HSPG2: variants seen among roughly 807,000 people sequenced by gnomAD.
HSPG2 encodes the protein basement membrane-specific heparan sulfate proteoglycan core protein.
A neutral mutation model predicts 526.6 loss-of-function variants in HSPG2; 278 were observed. The observed-to-expected ratio is 0.53, with a 90% confidence interval of 0.48 to 0.58. The LOEUF is 0.58. HSPG2 is among the 20% of genes least tolerant of loss of function. The pLI, the probability that HSPG2 is intolerant of heterozygous loss-of-function variation, is 0.00. For missense variants in HSPG2, 5,354 were observed against 6,099.5 expected, an observed-to-expected ratio of 0.88 and a Z score of 4.07; for synonymous variants, 2,465 against 2,555.4, an observed-to-expected ratio of 0.96 and a Z score of 1.07.
Position 21,822,421 on chromosome 1 carries a change from C to T in HSPG2, c.*895G>A. On this transcript the variant is annotated 3_prime_UTR_variant, in exon 97 of 97. Transcript: ENST00000374695. ...GGCAGGGTGGTCATATCCCCCTCCTCTCTCTCTCAGTCGTGAGTCCTGCCT... is the reference window on the plus strand; with the variant it reads ...GGCAGGGTGGTCATATCCCCCTCCTTTCTCTCTCAGTCGTGAGTCCTGCCT... 1.7e-6 allele frequency: 1 copy of T among 600,742 alleles called. No individual in the cohort carries two copies. The highest frequency in any genetic ancestry group is 3.0e-6 in the Non-Finnish European group (1 of 334,958). 37.2% of individuals were successfully genotyped at this position (600,742 alleles called of 1,614,324 possible).
intron 1 of HSPG2, among the ~76,000 whole-genome samples, chr1:21,918,947 T>TC (rs904419234): frequency 6.6e-6 from 1 of 152,070 alleles, no homozygotes; most frequent in Non-Finnish European, 1.5e-5. Context: ...ACTGGGCTCC[T>TC]CCCCCTCTCC....
Position 21,874,656 on chromosome 1 carries a change from C to T in HSPG2, c.3488G>A (p.Gly1163Asp). The change falls in exon 27 of 97, where the codon GGC becomes GAC. Residue 1163 changes from glycine (G) to aspartate (D), a missense_variant. Coordinates refer to ENST00000374695, the MANE Select transcript of HSPG2 (RefSeq NM_005529.7). Reference sequence around the variant, plus strand: ...TTCTGGCTCGCAGGCCTCTGAGTGGCCATGGCAGCTGCAGCGTTCACAGGT... The same window carrying T: ...TTCTGGCTCGCAGGCCTCTGAGTGGTCATGGCAGCTGCAGCGTTCACAGGT... ...LGTCERCSCH[G>D]HSEACEPETG... is the part of the protein sequence containing the mutation. 6.2e-7 allele frequency: 1 copy of T among 1,613,298 alleles called. No homozygotes were observed. The highest frequency in any genetic ancestry group is 1.6e-4 in the Middle Eastern group (1 of 6,062).
intron 70 of HSPG2, 126 bp from the exon 71 acceptor site, chr1:21,841,411 T>G: frequency 6.4e-7 from 1 of 1,562,406 alleles, no homozygotes; most frequent in Non-Finnish European, 8.8e-7. Context: ...AGGTGGAAAC[T>G]GAGGCTCAGA....
Position 21,823,533 on chromosome 1 carries a change from A to T in HSPG2, c.13004-45T>A, listed in dbSNP as rs560064025. ...CAGGGCCTGTGGGCTCCAGCAGCCC[A>T]GGAGGCGAGGAAGGCTGGGCGAGCT... On this transcript the variant is annotated intron_variant, in intron 96 of 96. Coordinates refer to ENST00000374695, the MANE Select transcript of HSPG2 (RefSeq NM_005529.7). The T allele has an allele frequency of 1.4e-5, 22 of 1,609,914 alleles. No individual in the cohort carries two copies. The South Asian group carries it at 2.0e-4, about 14-fold the overall frequency.
At chr1:21,874,038 A>C (rs1303231477) in intron 28 of HSPG2, 27 bp from the exon 29 acceptor site, 1 of 1,570,130 alleles carries the variant, frequency 6.4e-7, no homozygotes, top group East Asian at 2.3e-5. Flanking sequence ...ATTTCTAGTC[A>C]GGAACGCAGT....
chr1:21,832,506 C>A lies in HSPG2; in HGVS notation c.11196G>T (p.Arg3732Ser), dbSNP rs779110676. The A allele has an allele frequency of 6.2e-7, 1 of 1,613,978 alleles. No individual in the cohort carries two copies. Among genetic ancestry groups the A allele is most frequent in the Admixed American group, 1.7e-5 (1 of 60,012 alleles). The part of the protein sequence containing the change: ...DFISFGLVGG[R>S]PEFRFDAGSG... ...GCTGGGGGTCTCACCGGAACTCGGGCCTTCCCCCCACGAGGCCGAAGGAGA... is the reference window on the plus strand; with the variant it reads ...GCTGGGGGTCTCACCGGAACTCGGGACTTCCCCCCACGAGGCCGAAGGAGA... Residue 3732 changes from arginine (R) to serine (S), a missense_variant, in exon 81 of 97, where the codon AGG becomes AGT. Arg to Ser is a moderately radical substitution (Grantham distance 110). Transcript: ENST00000374695.
At chr1:21,905,261 C>A (rs12404669) in intron 1 of HSPG2, among the ~76,000 whole-genome samples, 12 of 146,186 alleles carry the variant, frequency 8.2e-5, no homozygotes, top group Non-Finnish European at 1.5e-4. Context: ...CCACACACAC[C>A]CACACACACA....
chr1:21,848,810 G>A lies in HSPG2; in HGVS notation c.7586-16C>T, dbSNP rs769497983. The A allele has an allele frequency of 2.5e-6, 4 of 1,613,362 alleles. No homozygotes were observed. In the African/African-American group the frequency reaches 4.0e-5, roughly 16 times the overall value. Reference sequence around the variant, plus strand: ...ACACCCTGGGCTGGGAGGGTGAGATGTAAGGCAGGGTGTGGGAGCTGCTGA... The same window carrying A: ...ACACCCTGGGCTGGGAGGGTGAGATATAAGGCAGGGTGTGGGAGCTGCTGA... On this transcript the variant is annotated splice_polypyrimidine_tract_variant and intron_variant, in intron 58 of 96. Coordinates refer to ENST00000374695, the MANE Select transcript of HSPG2 (RefSeq NM_005529.7). The surrounding 1 kb of genome is among the most constrained non-coding windows in gnomAD (Gnocchi z 4.9).
At position 21,851,773 on chromosome 1, in the gene HSPG2, C is replaced by T; in HGVS notation, c.7006+18G>A. ...GCCTGTTCTCTGCATCCCAGCCCAGCCTGGTGGCCCCACTCACGGTAGGCT... is the reference window on the plus strand; with the variant it reads ...GCCTGTTCTCTGCATCCCAGCCCAGTCTGGTGGCCCCACTCACGGTAGGCT... On this transcript the variant is annotated intron_variant, in intron 54 of 96. Coordinates refer to ENST00000374695, the MANE Select transcript of HSPG2 (RefSeq NM_005529.7). The T allele has an allele frequency of 6.2e-7, 1 of 1,614,028 alleles. No homozygotes were observed. Among genetic ancestry groups the T allele is most frequent in the Non-Finnish European group, 8.5e-7 (1 of 1,180,046 alleles).
chr1:21,868,864 AT>A, intron 33 of HSPG2: 1 of 890,930 alleles, frequency 1.1e-6, no homozygotes, highest in African/African-American at 1.8e-5. Context: ...CACCCCTATA[AT>A]CCCCCCAAAT....
At chr1:21,915,412 T>G (rs1242997864) in intron 1 of HSPG2, among the ~76,000 whole-genome samples, 1 of 152,020 alleles carries the variant, frequency 6.6e-6, no homozygotes, top group East Asian at 1.9e-4. Context: ...AGGGAGCACG[T>G]GGGAAAATAA....
intron 63 of HSPG2, 36 bp downstream of exon 63, chr1:21,846,412 C>T: frequency 6.2e-7 from 1 of 1,612,672 alleles, no homozygotes; most frequent in Non-Finnish European, 8.5e-7. Context: ...CCCCCACATC[C>T]AGCGGCTCTC....
At chr1:21,862,783 G>T (rs1181439681) in intron 37 of HSPG2, among the ~76,000 whole-genome samples, 1 of 151,922 alleles carries the variant, frequency 6.6e-6, no homozygotes, top group African/African-American at 2.4e-5. Flanking sequence ...CATTAAAAAT[G>T]TGTATTGTCA....
chr1:21,887,755 A>G lies in HSPG2; in HGVS notation c.704-81T>C. The G allele has an allele frequency of 6.6e-7, 1 of 1,511,974 alleles. No homozygotes were observed. The highest frequency in any genetic ancestry group is 9.1e-7 in the Non-Finnish European group (1 of 1,101,792). 93.7% of individuals were successfully genotyped at this position (1,511,974 alleles called of 1,614,324 possible). ...CTTGTCCCCAACCCTCCCCAGGCCC[A>G]CCCTGTACTCCCCAACACCACTCCC... On this transcript the variant is annotated intron_variant, in intron 7 of 96. Transcript: ENST00000374695. The surrounding 1 kb of genome is among the most constrained non-coding windows in gnomAD (Gnocchi z 5.0).
intron 80 of HSPG2, 101 bp from the exon 81 acceptor site, chr1:21,832,707 G>A (rs898426307): frequency 2.5e-5 from 21 of 836,682 alleles, no homozygotes; most frequent in East Asian, 5.2e-5. Context: ...GTCCACTCTC[G>A]GAACCTGTCC....
At chr1:21,878,066 C>A in intron 21 of HSPG2, 120 bp downstream of exon 21, 1 of 920,590 alleles carries the variant, frequency 1.1e-6, no homozygotes, top group Non-Finnish European at 1.7e-6. Flanking sequence ...CCACCAGCCT[C>A]TGACTGGGTT....
intron 1 of HSPG2, among the ~76,000 whole-genome samples, chr1:21,915,497 T>C (rs188965804): frequency 1.3e-5 from 2 of 150,486 alleles, no homozygotes; most frequent in East Asian, 3.9e-4. Flanking sequence ...AAAGGGAGAG[T>C]GAGAGGCTGC....
chr1:21,876,712 G>A, intron 21 of HSPG2, 60 bp from the exon 22 acceptor site: 1 of 1,608,152 alleles, frequency 6.2e-7, no homozygotes, highest in South Asian at 1.1e-5. Flanking sequence ...TGGAGCTCTG[G>A]CCGAATCCAC....
In HSPG2 at chr1:21,890,126, C is replaced by A; in HGVS notation, c.429G>T (p.Trp143Cys). 1 of 1,614,048 alleles carries A rather than the reference C, an allele frequency of 6.2e-7. No homozygotes were observed. The highest frequency in any genetic ancestry group is 8.5e-7 in the Non-Finnish European group (1 of 1,179,986). ...SVVFIKELDG[W>C]VFVELDVGSE... ...AGCCCACATCCAGCTCCACAAAAAC[C>A]CAGCCATCCAGCTCCCTGGGGATGG... Residue 143 changes from tryptophan to cysteine, a missense_variant, in exon 6 of 97, where the codon TGG (tryptophan) becomes TGT (cysteine). Trp to Cys is a radical substitution (Grantham distance 215, BLOSUM62 -2). Coordinates refer to ENST00000374695, the MANE Select transcript of HSPG2 (RefSeq NM_005529.7). The surrounding 1 kb of genome is among the most constrained non-coding windows in gnomAD (Gnocchi z 4.1).
Sources: gnomAD v4.1 joint callset for allele counts (sites outside exome capture counted in the v4.1 genomes callset) on GRCh38, gnomAD v4.1.1 for gene constraint, Gnocchi (gnomAD v3.1) non-coding constraint, MANE v1.5 for transcripts, NCBI Gene and HGNC (gene_info 2026-07-23, HGNC 2026-07-21) for gene names.